The following ATOX1 variants were observed in gnomAD, a reference collection of about 807,000 sequenced individuals.
The protein encoded by ATOX1 is antioxidant 1 copper chaperone.
ATOX1 carries 4 observed loss-of-function variants against 7.3 expected under a neutral mutation model. The ratio of observed to expected loss-of-function variants is 0.55; its 90% CI spans 0.27 to 1.25. The LOEUF is 1.25. Ranked by LOEUF, ATOX1 falls within the 50% of genes most tolerant of loss-of-function variation. The pLI is 0.12. For missense variants in ATOX1, 68 were observed against 81.6 expected (o/e 0.83, Z 0.64); for synonymous variants, 25 against 28.7 (o/e 0.87, Z 0.41).
intron 1 of ATOX1, among the ~76,000 whole-genome samples, chr5:151,752,621 G>A (rs1344227936): frequency 6.7e-6 from 1 of 150,054 alleles, no homozygotes; most frequent in Non-Finnish European, 1.5e-5. Context: ...TTGAACTTCT[G>A]GATCTTTTGC....
At chr5:151,753,314 G>A (rs1396416998) in intron 1 of ATOX1, among the ~76,000 whole-genome samples, 1 of 152,188 alleles carries the variant, frequency 6.6e-6, no homozygotes, top group Non-Finnish European at 1.5e-5. Flanking sequence ...AACTGTGTGA[G>A]TTACTATAAA....
At chr5:151,751,875 AG>A (rs1190599506) in intron 1 of ATOX1, 96 bp from the exon 2 acceptor site, 2 of 1,252,238 alleles carry the variant, frequency 1.6e-6, no homozygotes, top group African/African-American at 1.5e-5. Context: ...GACAGAAGAC[AG>A]AGAGACTGGG....
chr5:151,745,611 G>A (rs1761870897), intron 3 of ATOX1: 1 of 152,244 alleles, frequency 6.6e-6, no homozygotes, highest in African/African-American at 2.4e-5. Context: ...ACATGCTATT[G>A]TTTTTGTACC....
chr5:151,747,804 G>A (rs973976788), intron 2 of ATOX1, among the ~76,000 whole-genome samples: 1 of 152,162 alleles, frequency 6.6e-6, no homozygotes, highest in Non-Finnish European at 1.5e-5. Flanking sequence ...GGCCAGGTTG[G>A]TCTTGAATTC....
chr5:151,743,377 A>G (rs1761843669), intron 3 of ATOX1: 1 of 152,252 alleles, frequency 6.6e-6, no homozygotes, highest in South Asian at 2.1e-4. Context: ...TTCAAAACCA[A>G]TAAACACTCT....
chr5:151,751,899 G>GGCATCA, intron 1 of ATOX1, 120 bp from the exon 2 acceptor site: 1 of 923,404 alleles, frequency 1.1e-6, no homozygotes, highest in Non-Finnish European at 1.7e-6. Flanking sequence ...GGACCTGGTT[G>GGCATCA]GCATCAGACT....
chr5:151,751,867 CAG>C, intron 1 of ATOX1, 88 bp from the exon 2 acceptor site: 2 of 1,333,876 alleles, frequency 1.5e-6, no homozygotes, highest in Non-Finnish European at 2.1e-6. Flanking sequence ...AGGGTCAAGA[CAG>C]AAGACAGAGA....
chr5:151,750,644 C>CTTTTTTTT (rs34586233), intron 2 of ATOX1, among the ~76,000 whole-genome samples: 2 of 100,332 alleles, frequency 2.0e-5, no homozygotes, highest in African/African-American at 3.8e-5. Flanking sequence ...TTTTTTCTTT[C>CTTTTTTTT]TTTTTTTTTT....
chr5:151,743,474 G>A (rs979088117), intron 3 of ATOX1: 1 of 152,182 alleles, frequency 6.6e-6, no homozygotes, highest in Non-Finnish European at 1.5e-5. Context: ...CTGAGCATGT[G>A]GACTAAAGCT....
At chr5:151,747,865 A>G (rs1212124497) in intron 2 of ATOX1, among the ~76,000 whole-genome samples, 1 of 152,236 alleles carries the variant, frequency 6.6e-6, no homozygotes, top group African/African-American at 2.4e-5. Context: ...TTGGGACTAT[A>G]GGCGTGAGCC....
chr5:151,754,082 C>T (rs1761982751), intron 1 of ATOX1: 1 of 152,160 alleles, frequency 6.6e-6, no homozygotes, highest in Non-Finnish European at 1.5e-5. Context: ...TGACTATTCA[C>T]AGACAGCAAC....
intron 1 of ATOX1, among the ~76,000 whole-genome samples, chr5:151,758,254 G>GCC (rs1013010750): frequency 6.6e-6 from 1 of 152,222 alleles, no homozygotes; most frequent in African/African-American, 2.4e-5. Context: ...CCCATCCCCT[G>GCC]CCCCCTCTCT....
intron 3 of ATOX1, chr5:151,743,737 C>T (rs1458178057): frequency 6.6e-6 from 1 of 152,158 alleles, no homozygotes; most frequent in Non-Finnish European, 1.5e-5. Flanking sequence ...TAGGGCTCCC[C>T]CACATGGATA....
In ATOX1 at chr5:151,750,071, T is replaced by C. The variant is rs116384526; in HGVS notation, c.82+1633A>G. On this transcript the variant is annotated intron_variant, in intron 2 of 3. Coordinates refer to ENST00000313115, the MANE Select transcript of ATOX1 (RefSeq NM_004045.4). ...TTTTAGAAGATTGTGTGATAGTTCA[T>C]GTGGAAGAAAAAGAAAAGAAAAAAT... Among the ~76,000 whole-genome samples, 572 of 152,266 alleles carry C rather than the reference T, an allele frequency of 3.8e-3. 2 individuals carry two copies. The highest frequency in any genetic ancestry group is 6.8e-3 in the Middle Eastern group (2 of 294).
Position 151,758,594 on chromosome 5 carries a change from C to T in ATOX1, c.-43G>A, listed in dbSNP as rs759345633. ...TGTGGCGGCGGTGTGGCGGCGGTGT[C>T]AGCAGCGCCTCTCTGGATTCGGAGG... is the stretch of plus-strand genomic sequence containing the variant. On this transcript the variant is annotated 5_prime_UTR_variant, in exon 1 of 4. Transcript: ENST00000313115. 3.6e-6 allele frequency: 5 copies of T among 1,397,542 alleles called. No individual in the cohort carries two copies. Among genetic ancestry groups the T allele is most frequent in the Non-Finnish European group, 9.4e-7 (1 of 1,069,304 alleles). The allele number at this position is 1,397,542 out of a possible 1,614,324, so 86.6% of individuals were successfully genotyped here. A position where few individuals can be genotyped will look rare whatever the true frequency, so the allele number is the denominator to read the frequency against.
chr5:151,754,233 G>A (rs886780526), intron 1 of ATOX1: 5 of 152,150 alleles, frequency 3.3e-5, no homozygotes, highest in Admixed American at 2.6e-4. Context: ...CCAGAAGTCC[G>A]GAATCAGAAT....
At chr5:151,754,346 T>C (rs770632241) in intron 1 of ATOX1, among the ~76,000 whole-genome samples, 2 of 152,190 alleles carry the variant, frequency 1.3e-5, no homozygotes, top group African/African-American at 2.4e-5. Flanking sequence ...ATGTGGCTCA[T>C]GCCTATAATC....
At chr5:151,754,727 G>A (rs570383531) in intron 1 of ATOX1, among the ~76,000 whole-genome samples, 1 of 152,150 alleles carries the variant, frequency 6.6e-6, no homozygotes, top group South Asian at 2.1e-4. Context: ...GCTCATGCCT[G>A]TAATCCCAGC....
intron 3 of ATOX1, 196 bp downstream of exon 3, chr5:151,746,083 T>C: frequency 2.2e-6 from 1 of 448,312 alleles, no homozygotes; most frequent in Non-Finnish European, 4.0e-6. Context: ...ACAGGGTCTG[T>C]AAGAATTCCC....
Sources: gnomAD v4.1 joint callset for allele counts (sites outside exome capture counted in the v4.1 genomes callset) on GRCh38, gnomAD v4.1.1 for gene constraint, MANE v1.5 for transcripts, NCBI Gene and HGNC (gene_info 2026-07-23, HGNC 2026-07-21) for gene names.